SHANK2: variants seen among roughly 807,000 people sequenced by gnomAD.
SHANK2 encodes the protein SH3 and multiple ankyrin repeat domains 2.
A neutral mutation model predicts 133.7 loss-of-function variants in SHANK2; 43 were observed. The observed-to-expected ratio is 0.32, with a 90% CI of 0.25 to 0.41. SHANK2 has a LOEUF of 0.41. Among genes scored for constraint, SHANK2 ranks in the 10% least tolerant of loss-of-function variants. The pLI is 1.00. For synonymous variants in SHANK2, 1,017 were observed against 952.8 expected (o/e 1.07, Z -1.24); for missense variants, 1,994 against 2,235.8 (o/e 0.89, Z 2.18).
At chr11:70,784,299 C>T (rs1947588606) in intron 14 of SHANK2, among the ~76,000 whole-genome samples, 2 of 149,550 alleles carry the variant, frequency 1.3e-5, no homozygotes. Flanking sequence ...GCCTCGGCCC[C>T]CCAAGTAGCT....
chr11:70,663,036 C>T (rs930305968), intron 15 of SHANK2, among the ~76,000 whole-genome samples: 17 of 152,130 alleles, frequency 1.1e-4, no homozygotes, highest in African/African-American at 4.1e-4. Flanking sequence ...GAGGCCTCTA[C>T]AGGGTCTTGC....
intron 17 of SHANK2, among the ~76,000 whole-genome samples, chr11:70,606,557 G>A (rs1190534029): frequency 7.3e-6 from 1 of 137,524 alleles, no homozygotes; most frequent in African/African-American, 2.7e-5. Context: ...TGTATCCTCA[G>A]CCTTACTGTG....
chr11:70,543,415 GGAGA>G (rs1244158202), intron 17 of SHANK2, among the ~76,000 whole-genome samples: 2 of 152,118 alleles, frequency 1.3e-5, no homozygotes, highest in Non-Finnish European at 2.9e-5. Flanking sequence ...CCTCCAGGGA[GGAGA>G]GAGAGAGGCT....
intron 14 of SHANK2, 97 bp from the exon 15 acceptor site, chr11:70,698,860 C>T: frequency 1.4e-6 from 1 of 713,146 alleles, no homozygotes; most frequent in South Asian, 1.5e-5. Flanking sequence ...CTCACCTACT[C>T]CCCAAAATGT....
chr11:71,248,105 A>T (rs1304253409), intron 1 of SHANK2, among the ~76,000 whole-genome samples: 1 of 152,254 alleles, frequency 6.6e-6, no homozygotes, highest in Non-Finnish European at 1.5e-5. Flanking sequence ...GGCTCTGGGT[A>T]GTGGGCATGG....
chr11:70,911,047 C>G (rs1168736892), intron 10 of SHANK2: 1 of 456,982 alleles, frequency 2.2e-6, no homozygotes, highest in Non-Finnish European at 4.4e-6. Flanking sequence ...TAATGTCACA[C>G]TCAGAAGATC....
At chr11:70,636,699 G>A (rs908051628) in intron 17 of SHANK2, among the ~76,000 whole-genome samples, 20 of 52,020 alleles carry the variant, frequency 3.8e-4, no homozygotes, top group Non-Finnish European at 9.6e-4. Flanking sequence ...GTGTAAGCAC[G>A]TGTGTGAACA....
chr11:70,591,387 A>G (rs559033580), intron 17 of SHANK2, among the ~76,000 whole-genome samples: 12 of 152,186 alleles, frequency 7.9e-5, no homozygotes, highest in Middle Eastern at 3.4e-3. Context: ...AAGAAAAAAA[A>G]GAAAAAAGAA....
intron 13 of SHANK2, among the ~76,000 whole-genome samples, chr11:70,801,840 C>A (rs983876200): frequency 6.6e-6 from 1 of 152,132 alleles, no homozygotes; most frequent in Non-Finnish European, 1.5e-5. Flanking sequence ...TGGAGTCCTG[C>A]CTTGCTCTTG....
Position 70,889,711 on chromosome 11 carries a change from C to T in SHANK2, c.1174+6790G>A, listed in dbSNP as rs980846862. On this transcript the variant is annotated intron_variant, in intron 11 of 25. Transcript: ENST00000601538. ...CAGATGCACCCCAAATCATACAGGC[C>T]GCTGGGCAGCGGGGGCCTCAGTGGG... 3.9e-5 allele frequency among the ~76,000 whole-genome samples: 6 copies of T among 152,294 alleles called. No homozygotes were observed. The South Asian group carries it at 8.3e-4, about 21-fold the overall frequency.
At chr11:70,748,736 C>T (rs1055062323) in intron 14 of SHANK2, among the ~76,000 whole-genome samples, 3 of 152,212 alleles carry the variant, frequency 2.0e-5, no homozygotes, top group African/African-American at 7.2e-5. Flanking sequence ...ACAACACAAC[C>T]GTCTGCATCT....
intron 17 of SHANK2, among the ~76,000 whole-genome samples, chr11:70,525,181 C>T (rs1290193339): frequency 6.6e-6 from 1 of 152,246 alleles, no homozygotes; most frequent in Non-Finnish European, 1.5e-5. Flanking sequence ...CAGTGCAGGC[C>T]TCGAGGACTT....
chr11:70,637,868 G>A (rs943755382), intron 17 of SHANK2, among the ~76,000 whole-genome samples: 10 of 152,222 alleles, frequency 6.6e-5, no homozygotes, highest in Admixed American at 2.0e-4. Context: ...ACCCAGTGAC[G>A]GGGCTGGAGC....
intron 14 of SHANK2, among the ~76,000 whole-genome samples, chr11:70,796,319 AG>A (rs1555049150): frequency 1.3e-5 from 2 of 152,184 alleles, no homozygotes; most frequent in African/African-American, 4.8e-5. Flanking sequence ...GAGGATGGAG[AG>A]AGCAGGAAGC....
At chr11:70,584,889 T>C (rs2060228426) in intron 17 of SHANK2, among the ~76,000 whole-genome samples, 1 of 152,160 alleles carries the variant, frequency 6.6e-6, no homozygotes, top group African/African-American at 2.4e-5. Flanking sequence ...CTGAAGGCAA[T>C]TGTTTTGTGT....
intron 14 of SHANK2, among the ~76,000 whole-genome samples, chr11:70,719,655 CA>C (rs1247939506): frequency 6.6e-6 from 1 of 151,972 alleles, no homozygotes; most frequent in Non-Finnish European, 1.5e-5. Flanking sequence ...GCCAGGGGCC[CA>C]GGGGGCTGCT....
At chr11:70,556,095 A>C (rs1278709514) in intron 17 of SHANK2, among the ~76,000 whole-genome samples, 6 of 152,234 alleles carry the variant, frequency 3.9e-5, no homozygotes, top group African/African-American at 1.4e-4. Flanking sequence ...AGGTGGCTAC[A>C]CTGAACAACA....
chr11:70,771,276 C>T (rs782192626), intron 14 of SHANK2, among the ~76,000 whole-genome samples: 23 of 152,294 alleles, frequency 1.5e-4, no homozygotes, highest in South Asian at 2.1e-4. Context: ...AGCACACCAT[C>T]GCGAAGGAGT....
At chr11:70,574,053 T>C (rs1428296481) in intron 17 of SHANK2, among the ~76,000 whole-genome samples, 1 of 152,132 alleles carries the variant, frequency 6.6e-6, no homozygotes, top group Non-Finnish European at 1.5e-5. Context: ...GATCTCCTCC[T>C]ACCAGCGCCG....
Sources: gnomAD v4.1 joint callset for allele counts (sites outside exome capture counted in the v4.1 genomes callset) on GRCh38, gnomAD v4.1.1 for gene constraint, MANE v1.5 for transcripts, NCBI Gene and HGNC (gene_info 2026-07-23, HGNC 2026-07-21) for gene names.